NRG1: variants seen among roughly 807,000 people sequenced by gnomAD.
NRG1 encodes the protein neuregulin 1, also known as pro-neuregulin-1, membrane-bound isoform.
In NRG1, 18 loss-of-function variants were observed where a neutral mutation model predicts 63.8. The observed-to-expected ratio is 0.28, with a 90% CI of 0.19 to 0.42. The LOEUF (loss-of-function observed/expected upper bound fraction) is 0.42, where lower values mean the gene tolerates loss of function less well. Among genes scored for constraint, NRG1 ranks in the 10% least tolerant of loss-of-function variants. NRG1 has a pLI of 1.00. For synonymous variants in NRG1, 302 were observed against 301.3 expected (o/e 1.00, Z -0.02); for missense variants, 762 against 814.7 (o/e 0.94, Z 0.79).
chr8:31,917,758 T>G (rs900579161), intron 1 of NRG1, among the ~76,000 whole-genome samples: 1 of 152,206 alleles, frequency 6.6e-6, no homozygotes, highest in African/African-American at 2.4e-5. Flanking sequence ...CATTGGTATC[T>G]TGATGGGGAT....
intron 1 of NRG1, among the ~76,000 whole-genome samples, chr8:31,665,283 A>T (rs994681953): frequency 1.3e-5 from 2 of 152,208 alleles, no homozygotes; most frequent in African/African-American, 2.4e-5. Context: ...TTCAGACTTA[A>T]GCCCTCTGGC....
At chr8:32,174,016 C>T (rs903337481) in intron 1 of NRG1, among the ~76,000 whole-genome samples, 11 of 152,138 alleles carry the variant, frequency 7.2e-5, no homozygotes, top group Admixed American at 7.2e-4. Flanking sequence ...GGACTCTCCA[C>T]CCCAAATCAA....
chr8:32,149,129 C>T (rs149890574), intron 1 of NRG1, among the ~76,000 whole-genome samples: 3 of 152,120 alleles, frequency 2.0e-5, no homozygotes, highest in Non-Finnish European at 2.9e-5. Context: ...GAAATTTTTC[C>T]TGCTTCTCCA....
intron 5 of NRG1, among the ~76,000 whole-genome samples, chr8:32,654,740 A>G (rs528270517): frequency 3.5e-5 from 4 of 113,268 alleles, no homozygotes; most frequent in Non-Finnish European, 5.9e-5. Flanking sequence ...TTAATGATCA[A>G]CGTTATCCCA....
At chr8:32,125,160 T>G (rs7835197) in intron 1 of NRG1, among the ~76,000 whole-genome samples, 3 of 151,822 alleles carry the variant, frequency 2.0e-5, no homozygotes, top group Non-Finnish European at 1.5e-5. Context: ...AGACACCAAA[T>G]GTGCTGGTGC....
At chr8:31,785,808 G>GAGAAAGAAAGAA (rs1379154974) in intron 1 of NRG1, among the ~76,000 whole-genome samples, 7 of 152,092 alleles carry the variant, frequency 4.6e-5, no homozygotes, top group African/African-American at 1.7e-4. Context: ...ATTCTATTTT[G>GAGAAAGAAAGAA]AGAAAGAAAG....
At chr8:32,640,766 A>G (rs1028130458) in intron 5 of NRG1, among the ~76,000 whole-genome samples, 1 of 151,950 alleles carries the variant, frequency 6.6e-6, no homozygotes, top group Non-Finnish European at 1.5e-5. Flanking sequence ...CTAAAATATT[A>G]TTTTTCTGTT....
At chr8:32,080,765 G>A (rs1324075713) in intron 1 of NRG1, among the ~76,000 whole-genome samples, 1 of 934 alleles carries the variant, frequency 1.1e-3, no homozygotes, top group African/African-American at 4.6e-3. Context: ...GTGTGTGTGC[G>A]TGTGTGTGTG....
chr8:32,510,788 C>A (rs771042823), intron 1 of NRG1, among the ~76,000 whole-genome samples: 12 of 152,068 alleles, frequency 7.9e-5, no homozygotes, highest in Non-Finnish European at 1.2e-4. Context: ...GATGGCTCCA[C>A]CCTCTCTAGT....
At chr8:32,113,561 G>A (rs1358921136) in intron 1 of NRG1, among the ~76,000 whole-genome samples, 2 of 152,104 alleles carry the variant, frequency 1.3e-5, no homozygotes, top group Non-Finnish European at 2.9e-5. Context: ...AGGCATTTCA[G>A]CTCTTCCAAG....
intron 1 of NRG1, among the ~76,000 whole-genome samples, chr8:32,186,288 C>T (rs1841955785): frequency 6.6e-6 from 1 of 151,656 alleles, no homozygotes; most frequent in African/African-American, 2.4e-5. Context: ...ACAGTGAAAC[C>T]CCATTTCACT....
At chr8:32,020,744 C>T (rs1395563276) in intron 1 of NRG1, among the ~76,000 whole-genome samples, 1 of 152,156 alleles carries the variant, frequency 6.6e-6, no homozygotes, top group African/African-American at 2.4e-5. Context: ...CAAACACTTG[C>T]ATTTCAGAAT....
intron 1 of NRG1, among the ~76,000 whole-genome samples, chr8:32,513,414 G>GAA (rs138317310): frequency 2.2e-5 from 3 of 134,782 alleles, no homozygotes; most frequent in Non-Finnish European, 1.6e-5. Context: ...TAGCTCTTCC[G>GAA]AAAAAAAAAA....
At chr8:31,699,136 T>G (rs1810373114) in intron 1 of NRG1, among the ~76,000 whole-genome samples, 1 of 152,224 alleles carries the variant, frequency 6.6e-6, no homozygotes, top group Admixed American at 6.5e-5. Context: ...CAAGCAGTTC[T>G]TCATTTCTCA....
chr8:32,315,443 G>A (rs1857277377), intron 1 of NRG1, among the ~76,000 whole-genome samples: 2 of 152,252 alleles, frequency 1.3e-5, no homozygotes, highest in African/African-American at 4.8e-5. Flanking sequence ...GTATTCTATG[G>A]TATATATGTA....
chr8:32,362,179 C>G (rs773274643), intron 1 of NRG1, among the ~76,000 whole-genome samples: 14 of 152,104 alleles, frequency 9.2e-5, no homozygotes, highest in Non-Finnish European at 1.9e-4. Flanking sequence ...TACATTGCAG[C>G]CCTCATCAAA....
chr8:32,156,762 C>A (rs1040799951), intron 1 of NRG1, among the ~76,000 whole-genome samples: 1 of 152,100 alleles, frequency 6.6e-6, no homozygotes, highest in Admixed American at 6.6e-5. Context: ...CATAATGAGA[C>A]CCAGTCTCTA....
chr8:32,024,973 T>C lies in NRG1; in HGVS notation c.37+385542T>C, dbSNP rs534522624. 2.1e-3 allele frequency among the ~76,000 whole-genome samples: 325 copies of C among 152,320 alleles called. 1 individual carries two copies. Among genetic ancestry groups the C allele is most frequent in the African/African-American group, 7.4e-3 (309 of 41,588 alleles). On this transcript the variant is annotated intron_variant, in intron 1 of 10. Coordinates refer to the NRG1 transcript ENST00000519301. ...CTATGTCTACGTATATATTAATACA[T>C]ACAAATAAAATTTCTAGAAGGAAGA...
At chr8:32,487,942 C>G (rs758766158) in intron 1 of NRG1, among the ~76,000 whole-genome samples, 1 of 152,110 alleles carries the variant, frequency 6.6e-6, no homozygotes, top group Non-Finnish European at 1.5e-5. Flanking sequence ...CGAGGTTGTG[C>G]AACAAGGGTA....
Sources: allele counts gnomAD v4.1 joint callset (sites outside exome capture counted in the v4.1 genomes callset), GRCh38; gene constraint gnomAD v4.1.1; transcripts MANE v1.5; gene names NCBI Gene and HGNC (gene_info 2026-07-23, HGNC 2026-07-21).